Variants in CLSTN2 observed in about 807,000 individuals in gnomAD.
CLSTN2 encodes calsyntenin 2.
CLSTN2 carries 48 observed loss-of-function variants against 101.2 expected under a neutral mutation model. The observed-to-expected ratio is 0.47, with a 90% CI of 0.38 to 0.60. The LOEUF is 0.60. CLSTN2 is among the 20% of genes least tolerant of loss of function. The probability of loss-of-function intolerance (pLI) is 0.00; values close to 1 mark genes in which losing one functional copy is unlikely to be tolerated. For missense variants in CLSTN2, 1,160 were observed against 1,238.2 expected (o/e 0.94, Z 0.95); for synonymous variants, 481 against 463.6 (o/e 1.04, Z -0.48).
At chr3:139,981,943 A>T (rs1175279115) in intron 1 of CLSTN2, among the ~76,000 whole-genome samples, 1 of 152,192 alleles carries the variant, frequency 6.6e-6, no homozygotes, top group East Asian at 1.9e-4. Flanking sequence ...TTGCTGATCA[A>T]TATCTGTCTT....
At chr3:140,321,200 G>A (rs535923990) in intron 2 of CLSTN2, among the ~76,000 whole-genome samples, 2 of 152,206 alleles carry the variant, frequency 1.3e-5, no homozygotes, top group Non-Finnish European at 2.9e-5. Context: ...CAGGAAAAGG[G>A]GCTTTGGAGC....
chr3:139,952,548 G>A (rs139742799), intron 1 of CLSTN2, among the ~76,000 whole-genome samples: 2 of 152,138 alleles, frequency 1.3e-5, no homozygotes, highest in Non-Finnish European at 2.9e-5. Context: ...TTGCTGAAAT[G>A]GTTGAGCTTA....
At chr3:140,495,644 G>A (rs1015487072) in intron 8 of CLSTN2, among the ~76,000 whole-genome samples, 1 of 152,138 alleles carries the variant, frequency 6.6e-6, no homozygotes, top group African/African-American at 2.4e-5. Context: ...TTTGTATAAA[G>A]GTGTAAGGAA....
chr3:140,452,146 C>T lies in CLSTN2; in HGVS notation c.973+3442C>T, dbSNP rs374879346. On this transcript the variant is annotated intron_variant, in intron 6 of 16. Transcript: ENST00000458420. Reference sequence around the variant, plus strand: ...GAGCAAGGGCACACCTAAGGGACAACGATGGCAGTTGCCTGTGGTATACCC... The same window carrying T: ...GAGCAAGGGCACACCTAAGGGACAATGATGGCAGTTGCCTGTGGTATACCC... 3.3e-5 allele frequency among the ~76,000 whole-genome samples: 5 copies of T among 152,270 alleles called. No homozygotes were observed. In the East Asian group the frequency reaches 5.8e-4, roughly 18 times the overall value.
intron 1 of CLSTN2, among the ~76,000 whole-genome samples, chr3:140,140,538 C>G (rs1056442935): frequency 2.0e-5 from 3 of 152,180 alleles, no homozygotes; most frequent in African/African-American, 7.2e-5. Context: ...ATGACCCAAA[C>G]ACCTCCTACT....
chr3:140,555,848 C>T (rs544948819), intron 10 of CLSTN2, among the ~76,000 whole-genome samples: 15 of 152,154 alleles, frequency 9.9e-5, no homozygotes, highest in South Asian at 2.1e-4. Context: ...GGAGAATCGC[C>T]GCTACATGGC....
At position 140,566,076 on chromosome 3, in the gene CLSTN2, G is replaced by A. The variant is rs371494577; in HGVS notation, c.2691G>A (p.Gly897=). ...AGAAACATGAAGGACCAGGGCATGG[G>A]GAAGATGAGACTGAGGGAGAAGAGG... The part of the protein sequence containing the change: ...PMEKHEGPGH[G]EDETEGEEEE... Residue 897 remains glycine (G), a synonymous_variant, in exon 17 of 17, where the codon GGG becomes GGA. Transcript: ENST00000458420. 17 of 1,613,760 alleles carry A rather than the reference G, an allele frequency of 1.1e-5. No homozygotes were observed. Among genetic ancestry groups the A allele is most frequent in the Admixed American group, 1.0e-4 (6 of 60,010 alleles).
At chr3:140,277,064 T>G (rs561917111) in intron 2 of CLSTN2, among the ~76,000 whole-genome samples, 139 of 152,294 alleles carry the variant, frequency 9.1e-4, no homozygotes, top group African/African-American at 3.1e-3. Flanking sequence ...AGCTCCTCCA[T>G]GTAATTTGTA....
At chr3:139,940,663 T>C (rs998545138) in intron 1 of CLSTN2, among the ~76,000 whole-genome samples, 4 of 152,170 alleles carry the variant, frequency 2.6e-5, no homozygotes, top group African/African-American at 9.7e-5. Flanking sequence ...GATATGCACC[T>C]GTGTGTAAAT....
chr3:140,454,112 A>G (rs10935383), intron 6 of CLSTN2, among the ~76,000 whole-genome samples: 20,007 of 152,266 alleles, frequency 0.13, 1,665 homozygotes, highest in South Asian at 0.26. Flanking sequence ...TAGATCCCCA[A>G]TCATACAACA....
At chr3:140,077,322 G>A (rs2008509383) in intron 1 of CLSTN2, among the ~76,000 whole-genome samples, 1 of 152,106 alleles carries the variant, frequency 6.6e-6, no homozygotes, top group African/African-American at 2.4e-5. Context: ...TTACCCCTCT[G>A]TGCTCCTTCC....
intron 8 of CLSTN2, among the ~76,000 whole-genome samples, chr3:140,513,226 A>G (rs1267604677): frequency 1.3e-5 from 2 of 152,132 alleles, no homozygotes; most frequent in South Asian, 4.1e-4. Flanking sequence ...CCCATTCAGT[A>G]TGATATTGGC....
intron 2 of CLSTN2, among the ~76,000 whole-genome samples, chr3:140,240,759 T>C (rs534175446): frequency 6.6e-5 from 10 of 152,140 alleles, no homozygotes; most frequent in African/African-American, 2.4e-4. Flanking sequence ...CAAGCTAACT[T>C]TGAGAGACTG....
intron 1 of CLSTN2, among the ~76,000 whole-genome samples, chr3:140,006,049 C>A (rs1299787212): frequency 6.6e-6 from 1 of 152,068 alleles, no homozygotes; most frequent in African/African-American, 2.4e-5. Context: ...GATTCAGAAA[C>A]CAGAGTTGAC....
At chr3:140,010,233 G>C (rs1239891002) in intron 1 of CLSTN2, among the ~76,000 whole-genome samples, 1 of 152,096 alleles carries the variant, frequency 6.6e-6, no homozygotes, top group African/African-American at 2.4e-5. Flanking sequence ...CTATCTTTTG[G>C]GAGATTTCTG....
chr3:140,053,386 G>A (rs898880079), intron 1 of CLSTN2, among the ~76,000 whole-genome samples: 1 of 152,200 alleles, frequency 6.6e-6, no homozygotes, highest in African/African-American at 2.4e-5. Flanking sequence ...TTACTGGATT[G>A]TGTCTGAGGA....
intron 1 of CLSTN2, among the ~76,000 whole-genome samples, chr3:140,037,794 G>A (rs1226563137): frequency 6.6e-6 from 1 of 152,108 alleles, no homozygotes; most frequent in Admixed American, 6.6e-5. Flanking sequence ...AGAACATGTG[G>A]TGTTTGGTTT....
chr3:140,146,227 G>A (rs1333122335), intron 1 of CLSTN2, among the ~76,000 whole-genome samples: 1 of 152,226 alleles, frequency 6.6e-6, no homozygotes, highest in Non-Finnish European at 1.5e-5. Flanking sequence ...GTTCAACTAA[G>A]CATATAATAA....
chr3:140,392,952 T>C (rs1303407959), intron 2 of CLSTN2, among the ~76,000 whole-genome samples: 1 of 152,044 alleles, frequency 6.6e-6, no homozygotes, highest in Non-Finnish European at 1.5e-5. Flanking sequence ...TGAGACAGCA[T>C]AAGCATAAAT....
Sources: allele counts gnomAD v4.1 joint callset (sites outside exome capture counted in the v4.1 genomes callset), GRCh38; gene constraint gnomAD v4.1.1; transcripts MANE v1.5; gene names NCBI Gene and HGNC (gene_info 2026-07-23, HGNC 2026-07-21).